The following MFSD11 variants were observed in gnomAD, a reference collection of about 807,000 sequenced individuals.
The protein encoded by MFSD11 is UNC93-like protein MFSD11.
Under a neutral mutation model 53.5 loss-of-function variants are expected in MFSD11, and 36 were observed. The ratio of observed to expected loss-of-function variants is 0.67; its 90% confidence interval spans 0.52 to 0.89. The LOEUF (loss-of-function observed/expected upper bound fraction) is 0.89. Among genes scored for constraint, MFSD11 ranks in the 40% least tolerant of loss-of-function variants. The probability of loss-of-function intolerance (pLI) is 0.00; values close to 1 mark genes in which losing one functional copy is unlikely to be tolerated. For synonymous variants in MFSD11, 186 were observed against 184.9 expected, an observed-to-expected ratio of 1.01 and a Z score of -0.05; for missense variants, 530 against 543.9, an observed-to-expected ratio of 0.97 and a Z score of 0.25.
intron 8 of MFSD11, among the ~76,000 whole-genome samples, chr17:76,758,304 G>A (rs1466281266): frequency 2.2e-5 from 1 of 46,100 alleles, no homozygotes; most frequent in Non-Finnish European, 8.3e-5. Flanking sequence ...TTGAGGCTGG[G>A]CACAGTGGTT....
chr17:76,765,758 A>G (rs919575305), intron 8 of MFSD11, among the ~76,000 whole-genome samples: 1 of 151,988 alleles, frequency 6.6e-6, no homozygotes, highest in African/African-American at 2.4e-5. Context: ...TCTGGCCATG[A>G]ATTTTAGGAT....
intron 8 of MFSD11, among the ~76,000 whole-genome samples, chr17:76,755,812 A>ATTTT (rs552254902): frequency 1.5e-4 from 3 of 19,518 alleles, no homozygotes; most frequent in Admixed American, 2.0e-3. Flanking sequence ...ATATATATAT[A>ATTTT]TTTTTTTTTT....
rs528577395 is a variant in MFSD11 at position 76,762,493 on chromosome 17, C to T, written c.683-4893C>T. On this transcript the variant is annotated intron_variant, in intron 8 of 12. Transcript: ENST00000685175. ...CATCCTGGCTAACACGGTGAAACCC[C>T]GTCTCTACTAAAAATACAAAAAAAT... 1.2e-3 allele frequency among the ~76,000 whole-genome samples: 175 copies of T among 152,128 alleles called. 1 individual carries two copies. Among genetic ancestry groups the T allele is most frequent in the Middle Eastern group, 6.8e-3 (2 of 294 alleles).
chr17:76,793,337 C>A, the MFSD11 span, among the ~76,000 whole-genome samples: 126,299 of 151,180 alleles, frequency 0.84, 53,397 homozygotes, highest in African/African-American at 0.95. Context: ...TCTTTCAGGG[C>A]TGTTCCTTGC....
At chr17:76,803,602 C>T in the MFSD11 span, among the ~76,000 whole-genome samples, 2 of 152,076 alleles carry the variant, frequency 1.3e-5, no homozygotes, top group Non-Finnish European at 2.9e-5. Flanking sequence ...CCCATCTGAT[C>T]TTATGGCCCC....
chr17:76,775,288 A>T (rs1367094884), intron 11 of MFSD11, 117 bp downstream of exon 11: 1 of 846,578 alleles, frequency 1.2e-6, no homozygotes, highest in African/African-American at 1.7e-5. Context: ...CTCTAAGGTC[A>T]TCTGTCAAGT....
chr17:76,742,074 C>T (rs1385700355), intron 4 of MFSD11, 26 bp downstream of exon 4: 12 of 1,613,870 alleles, frequency 7.4e-6, no homozygotes, highest in Non-Finnish European at 1.0e-5. Flanking sequence ...TTTAACTTCT[C>T]TGCTTTCTTT....
At chr17:76,775,247 C>G in intron 11 of MFSD11, 76 bp downstream of exon 11, 3 of 1,366,916 alleles carry the variant, frequency 2.2e-6, no homozygotes, top group Non-Finnish European at 3.0e-6. Flanking sequence ...GAAAGTGGAG[C>G]AGTTAATCCT....
At chr17:76,802,740 A>G in the MFSD11 span, among the ~76,000 whole-genome samples, 22 of 152,198 alleles carry the variant, frequency 1.4e-4, no homozygotes, top group African/African-American at 5.3e-4. Context: ...TTAGCTGGGC[A>G]TGGTGGCATG....
chr17:76,753,917 A>G (rs986651976), intron 7 of MFSD11, 130 bp from the exon 8 acceptor site: 5 of 676,406 alleles, frequency 7.4e-6, no homozygotes, highest in African/African-American at 7.2e-5. Flanking sequence ...GGAGCATTCG[A>G]GTCACTGGGA....
At chr17:76,785,473 G>T (rs560170774), downstream of MFSD11, among the ~76,000 whole-genome samples, 27 of 151,778 alleles carry the variant, frequency 1.8e-4, no homozygotes, top group African/African-American at 5.8e-4. Context: ...AGTAGCTTGG[G>T]ACCACAAGCG....
In MFSD11 at chr17:76,776,930, T is replaced by C. The variant is rs1188480389; in HGVS notation, c.1185+389T>C. 6.6e-6 allele frequency among the ~76,000 whole-genome samples: 1 copy of C among 151,716 alleles called. No homozygotes were observed. On this transcript the variant is annotated intron_variant, in intron 12 of 12. Coordinates refer to ENST00000685175, the MANE Select transcript of MFSD11 (RefSeq NM_001242532.5). The surrounding 1 kb of genome is among the most constrained non-coding windows in gnomAD (Gnocchi z 4.2). ...GCCTCCCAAAGTGCTGGGGATTATA[T>C]GCGTGAGCCACCGCACCTGGTCTAT...
Position 76,743,383 on chromosome 17 carries a change from C to A in MFSD11, c.438-15C>A. 6.5e-7 allele frequency: 1 copy of A among 1,549,274 alleles called. No individual in the cohort carries two copies. Among genetic ancestry groups the A allele is most frequent in the Non-Finnish European group, 8.8e-7 (1 of 1,141,042 alleles). On this transcript the variant is annotated splice_polypyrimidine_tract_variant and intron_variant, in intron 5 of 12. Coordinates refer to ENST00000685175, the MANE Select transcript of MFSD11 (RefSeq NM_001242532.5). ...ATAATTACCCAACATCCTATCCTCC[C>A]TTTTCTTCCCCCAGCTTGTTCTTTG...
chr17:76,736,743 C>A (rs576861200), upstream of MFSD11: 6 of 1,391,990 alleles, frequency 4.3e-6, no homozygotes, highest in African/African-American at 9.2e-5. Flanking sequence ...TGTGAGGTCG[C>A]CCGGGCCTCC....
At chr17:76,784,506 CT>C (rs2145008474), downstream of MFSD11, among the ~76,000 whole-genome samples, 1 of 152,030 alleles carries the variant, frequency 6.6e-6, no homozygotes, top group South Asian at 2.1e-4. Flanking sequence ...GCACTCCAGC[CT>C]GGCGACAGAG....
intron 8 of MFSD11, among the ~76,000 whole-genome samples, chr17:76,758,919 GA>G (rs1176375316): frequency 6.6e-5 from 10 of 151,866 alleles, no homozygotes; most frequent in South Asian, 2.1e-4. Context: ...CTGTTCACCG[GA>G]AGCCTTACTG....
intron 10 of MFSD11, among the ~76,000 whole-genome samples, chr17:76,772,850 G>T (rs148889623): frequency 6.6e-6 from 1 of 152,114 alleles, no homozygotes; most frequent in African/African-American, 2.4e-5. Flanking sequence ...GTTCTTAGAT[G>T]TAGTTCATTT....
At chr17:76,747,495 C>T (rs1158050050) in intron 7 of MFSD11, among the ~76,000 whole-genome samples, 9 of 152,110 alleles carry the variant, frequency 5.9e-5, no homozygotes, top group South Asian at 4.1e-4. Context: ...CCACCATACC[C>T]AGCTAATTTT....
intron 7 of MFSD11, among the ~76,000 whole-genome samples, chr17:76,750,364 ATTTTTTT>A (rs1256470874): frequency 8.1e-6 from 1 of 123,666 alleles, no homozygotes; most frequent in African/African-American, 3.4e-5. Context: ...TGTGTTAGTA[ATTTTTTT>A]TTTTTTTTTT....
Sources: allele counts gnomAD v4.1 joint callset (sites outside exome capture counted in the v4.1 genomes callset), GRCh38; gene constraint gnomAD v4.1.1; non-coding constraint Gnocchi (gnomAD v3.1); transcripts MANE v1.5; gene names NCBI Gene and HGNC (gene_info 2026-07-23, HGNC 2026-07-21).